DOCK11: variants seen among roughly 807,000 people sequenced by gnomAD.
DOCK11 encodes the protein dedicator of cytokinesis protein 11.
In DOCK11, 70 loss-of-function variants were observed where a neutral mutation model predicts 169.1. That is an observed-to-expected ratio of 0.41 (90% CI 0.34 to 0.51). DOCK11 has a LOEUF of 0.51. Among genes scored for constraint, DOCK11 ranks in the 20% least tolerant of loss-of-function variants. The probability of loss-of-function intolerance (pLI) is 0.10; values close to 1 mark genes in which losing one functional copy is unlikely to be tolerated. For missense variants in DOCK11, 1,166 were observed against 1,538.8 expected (o/e 0.76, Z 4.05); for synonymous variants, 529 against 541.3 (o/e 0.98, Z 0.32).
rs1398225596 is a variant in DOCK11 at position 118,537,821 on chromosome X, T to A, written c.103-4904T>A. Among the ~76,000 whole-genome samples, 5 of 111,890 alleles carry A rather than the reference T, an allele frequency of 4.5e-5. No homozygotes were observed. In the Admixed American group the frequency reaches 4.8e-4, roughly 11 times the overall value. On this transcript the variant is annotated intron_variant, in intron 1 of 52. Transcript: ENST00000276202. ...TTTGGACCAAGAAGTGGACTGCAAC[T>A]GAATCTATTCTGACGAGTTTCCTTT...
intron 31 of DOCK11, among the ~76,000 whole-genome samples, chrX:118,624,237 A>G (rs189964319): frequency 4.0e-3 from 455 of 112,879 alleles, no homozygotes; most frequent in Admixed American, 7.6e-3. Context: ...CTGGAGCTGA[A>G]AAACAGGAAT....
At chrX:118,675,785 T>G (rs767827415) in intron 46 of DOCK11, 151 bp from the exon 47 acceptor site, 13 of 337,825 alleles carry the variant, frequency 3.8e-5, no homozygotes, top group African/African-American at 3.6e-4. Flanking sequence ...TTGAGGACTT[T>G]GATTGTTACA....
intron 1 of DOCK11, among the ~76,000 whole-genome samples, chrX:118,530,747 C>T (rs1487962429): frequency 8.9e-6 from 1 of 111,971 alleles, no homozygotes; most frequent in Non-Finnish European, 1.9e-5. Flanking sequence ...CTACCCTAGC[C>T]CTTACTCCAT....
chrX:118,499,526 C>G (rs763170319), intron 1 of DOCK11, among the ~76,000 whole-genome samples: 11 of 111,901 alleles, frequency 9.8e-5, no homozygotes, highest in Non-Finnish European at 1.9e-4. Context: ...ACTCCCCCAA[C>G]CCGCCGCTCA....
At chrX:118,658,414 CTATTGGAT>C (rs2016132431) in intron 44 of DOCK11, among the ~76,000 whole-genome samples, 1 of 112,561 alleles carries the variant, frequency 8.9e-6, no homozygotes, top group African/African-American at 3.2e-5. Flanking sequence ...ATACTTTGCC[CTATTGGAT>C]CATTGCCTAA....
chrX:118,514,235 C>A (rs1286131406), intron 1 of DOCK11, among the ~76,000 whole-genome samples: 1 of 109,683 alleles, frequency 9.1e-6, no homozygotes, highest in Admixed American at 9.8e-5. Flanking sequence ...TCCTGAGGCC[C>A]CCCCCATCAA....
At chrX:118,563,958 T>C (rs2012993491) in intron 7 of DOCK11, among the ~76,000 whole-genome samples, 1 of 111,955 alleles carries the variant, frequency 8.9e-6, no homozygotes, top group African/African-American at 3.2e-5. Context: ...AGATTAGGCT[T>C]GTGGACACAT....
chrX:118,523,060 C>T (rs1208249706), intron 1 of DOCK11, among the ~76,000 whole-genome samples: 3 of 112,456 alleles, frequency 2.7e-5, no homozygotes, highest in Non-Finnish European at 5.6e-5. Context: ...AATGAGGTAA[C>T]GCATGTAATG....
At chrX:118,678,482 A>AT (rs886953043) in intron 48 of DOCK11, among the ~76,000 whole-genome samples, 8 of 109,087 alleles carry the variant, frequency 7.3e-5, no homozygotes, top group Non-Finnish European at 1.5e-4. Context: ...ATTTTATTTT[A>AT]TTTTTTTTTA....
intron 44 of DOCK11, among the ~76,000 whole-genome samples, chrX:118,658,301 T>C (rs923646560): frequency 8.9e-6 from 1 of 112,603 alleles, no homozygotes; most frequent in African/African-American, 3.2e-5. Context: ...TCTCTTGAAG[T>C]ACATTATAAA....
chrX:118,648,252 G>A (rs1248394931), intron 40 of DOCK11, among the ~76,000 whole-genome samples: 62 of 81,937 alleles, frequency 7.6e-4, no homozygotes, highest in African/African-American at 2.8e-3. Context: ...AAGTAATTGC[G>A]GTTTTTGCCA....
intron 7 of DOCK11, among the ~76,000 whole-genome samples, chrX:118,564,670 T>G (rs189305149): frequency 5.4e-4 from 58 of 107,189 alleles, no homozygotes; most frequent in African/African-American, 1.8e-3. Flanking sequence ...TTGCTAGCTT[T>G]CTTTCTTTCT....
intron 29 of DOCK11, 147 bp from the exon 30 acceptor site, chrX:118,615,453 T>C: frequency 6.8e-6 from 3 of 441,084 alleles, no homozygotes; most frequent in South Asian, 4.1e-5. Context: ...GGACCTGCTA[T>C]GTTAACTCTT....
chrX:118,673,622 GAGAA>G (rs1212952870), intron 46 of DOCK11, among the ~76,000 whole-genome samples: 1 of 112,048 alleles, frequency 8.9e-6, no homozygotes, highest in South Asian at 3.7e-4. Context: ...AGGAATTTTA[GAGAA>G]AGAAGCTTGT....
intron 28 of DOCK11, among the ~76,000 whole-genome samples, chrX:118,613,001 G>A (rs1397791102): frequency 1.8e-5 from 2 of 111,889 alleles, no homozygotes; most frequent in Admixed American, 9.5e-5. Context: ...CCAATCATCC[G>A]CGTGGCACAA....
intron 1 of DOCK11, among the ~76,000 whole-genome samples, chrX:118,534,143 C>T (rs746011959): frequency 8.9e-6 from 1 of 112,066 alleles, no homozygotes; most frequent in African/African-American, 3.2e-5. Flanking sequence ...CATTTAAATG[C>T]TTATTAGCAC....
At chrX:118,540,879 T>C (rs2011967134) in intron 1 of DOCK11, among the ~76,000 whole-genome samples, 1 of 111,948 alleles carries the variant, frequency 8.9e-6, no homozygotes, top group African/African-American at 3.2e-5. Flanking sequence ...TTTATACAGT[T>C]TTTATTATAA....
chrX:118,575,948 G>C (rs940402563), intron 12 of DOCK11, among the ~76,000 whole-genome samples: 6 of 111,671 alleles, frequency 5.4e-5, no homozygotes, highest in Non-Finnish European at 1.1e-4. Flanking sequence ...GATCTCCTGT[G>C]TGCCAACATT....
At chrX:118,609,182 G>C in intron 26 of DOCK11, 96 bp from the exon 27 acceptor site, 1 of 599,895 alleles carries the variant, frequency 1.7e-6, no homozygotes, top group South Asian at 2.8e-5. Context: ...GAAAATGTTA[G>C]TAAAATTCAA....
Sources: gnomAD v4.1 joint callset for allele counts (sites outside exome capture counted in the v4.1 genomes callset) on GRCh38, gnomAD v4.1.1 for gene constraint, MANE v1.5 for transcripts, NCBI Gene and HGNC (gene_info 2026-07-23, HGNC 2026-07-21) for gene names.